ANTXR1: variants seen among roughly 807,000 people sequenced by gnomAD.
ANTXR1 encodes ANTXR cell adhesion molecule 1, also known as anthrax toxin receptor 1.
ANTXR1 carries 19 observed loss-of-function variants against 78.1 expected under a neutral mutation model. That is an observed-to-expected ratio of 0.24 (90% CI 0.17 to 0.36). ANTXR1 has a LOEUF of 0.36. Ranked by LOEUF, ANTXR1 falls within the 10% of genes least tolerant of loss-of-function variation. ANTXR1 has a pLI of 1.00. For synonymous variants in ANTXR1, 273 were observed against 260.5 expected (o/e 1.05, Z -0.46); for missense variants, 518 against 718.6 (o/e 0.72, Z 3.19).
At position 69,123,122 on chromosome 2, in the gene ANTXR1, G is replaced by C. The variant is rs547869262; in HGVS notation, c.872+36G>C. On this transcript the variant is annotated intron_variant, in intron 11 of 17. Transcript: ENST00000303714. Reference sequence around the variant, plus strand: ...ACCAGCAACTGAACCTCCCAGCCAGGGAAGAGAGAGAGGAGGTGTACGGGG... The same window carrying C: ...ACCAGCAACTGAACCTCCCAGCCAGCGAAGAGAGAGAGGAGGTGTACGGGG... 15 of 1,604,634 alleles carry C rather than the reference G, an allele frequency of 9.3e-6. No homozygotes were observed. The South Asian group carries it at 1.2e-4, about 13-fold the overall frequency.
At chr2:69,106,421 T>TCC (rs1427147109) in intron 10 of ANTXR1, among the ~76,000 whole-genome samples, 18 of 152,186 alleles carry the variant, frequency 1.2e-4, no homozygotes, top group African/African-American at 3.6e-4. Flanking sequence ...AATAAAAACC[T>TCC]AAGTAAGAAA....
chr2:69,082,870 A>G (rs1670939089), intron 8 of ANTXR1, among the ~76,000 whole-genome samples: 1 of 152,236 alleles, frequency 6.6e-6, no homozygotes, highest in African/African-American at 2.4e-5. Context: ...AGAGTGAGTC[A>G]GCACATAGAG....
chr2:69,061,898 T>C (rs1422145479), intron 3 of ANTXR1, among the ~76,000 whole-genome samples: 1 of 152,230 alleles, frequency 6.6e-6, no homozygotes, highest in Non-Finnish European at 1.5e-5. Context: ...CTGTTTATGA[T>C]ATTCAGAGAT....
At chr2:69,103,098 T>G in intron 10 of ANTXR1, 158 bp downstream of exon 10, 1 of 801,858 alleles carries the variant, frequency 1.2e-6, no homozygotes, top group Non-Finnish European at 2.1e-6. Context: ...GCCCTTACAG[T>G]GGTTCCAGTC....
intron 3 of ANTXR1, among the ~76,000 whole-genome samples, chr2:69,066,028 A>G (rs529102687): frequency 1.6e-4 from 25 of 152,366 alleles, no homozygotes; most frequent in African/African-American, 5.8e-4. Flanking sequence ...ATCCACAAAA[A>G]CAAATTCAGA....
At chr2:69,106,560 C>T (rs923529573) in intron 10 of ANTXR1, among the ~76,000 whole-genome samples, 8 of 152,190 alleles carry the variant, frequency 5.3e-5, no homozygotes, top group Non-Finnish European at 1.2e-4. Context: ...AAATCAGGCT[C>T]CAGCAGGATA....
chr2:69,180,703 G>C (rs910512788), intron 14 of ANTXR1, among the ~76,000 whole-genome samples: 5 of 152,198 alleles, frequency 3.3e-5, no homozygotes, highest in Admixed American at 6.5e-5. Context: ...GAATACAATT[G>C]TAAGCATGAC....
chr2:69,152,347 A>T (rs1441891246), intron 13 of ANTXR1, 83 bp downstream of exon 13: 24 of 1,391,356 alleles, frequency 1.7e-5, no homozygotes, highest in South Asian at 1.2e-5. Flanking sequence ...AGGGATTTTT[A>T]AAAAACTAAA....
At chr2:69,169,713 T>C (rs963323329) in intron 13 of ANTXR1, among the ~76,000 whole-genome samples, 4 of 152,260 alleles carry the variant, frequency 2.6e-5, no homozygotes, top group Admixed American at 2.0e-4. Flanking sequence ...TTGCTGCCTC[T>C]GTTGGGACTC....
rs1241426894 is a variant in ANTXR1 at position 69,102,921 on chromosome 2, C to G, written c.783C>G (p.Ile261Met). ...NVDRVLCSFK[I>M]NDSVTLNEKP... Reference sequence around the variant, plus strand: ...ACAGGGTCCTCTGCAGCTTCAAGATCAATGACTCGGTCACACTCAGTAAGT... The same window carrying G: ...ACAGGGTCCTCTGCAGCTTCAAGATGAATGACTCGGTCACACTCAGTAAGT... Residue 261 changes from isoleucine (I) to methionine (M), a missense_variant, in exon 10 of 18, where the codon ATC becomes ATG. By Grantham distance (10) the Ile-to-Met change is conservative. This residue lies in a region of ANTXR1 where 264 missense variants were observed against 391.8 expected (regional missense o/e 0.67). Coordinates refer to ENST00000303714, the MANE Select transcript of ANTXR1 (RefSeq NM_032208.3). 1.2e-6 allele frequency: 2 copies of G among 1,614,172 alleles called. No homozygotes were observed. Among genetic ancestry groups the G allele is most frequent in the Non-Finnish European group, 1.7e-6 (2 of 1,180,030 alleles).
chr2:69,187,437 C>T (rs747595460), intron 16 of ANTXR1, among the ~76,000 whole-genome samples: 9 of 151,756 alleles, frequency 5.9e-5, no homozygotes, highest in Non-Finnish European at 8.8e-5. Flanking sequence ...AAAAAAAAAG[C>T]GCAACAAAAT....
At chr2:69,200,182 A>C (rs141803709) in intron 17 of ANTXR1, among the ~76,000 whole-genome samples, 3 of 152,284 alleles carry the variant, frequency 2.0e-5, no homozygotes, top group African/African-American at 4.8e-5. Context: ...AGGCCGGTAC[A>C]TTCCATTACT....
intron 12 of ANTXR1, chr2:69,145,473 T>C (rs1172571073): frequency 7.2e-6 from 11 of 1,524,560 alleles, no homozygotes; most frequent in Middle Eastern, 3.6e-4. Flanking sequence ...ATTTACTGAA[T>C]GAGTGGAGGG....
intron 12 of ANTXR1, among the ~76,000 whole-genome samples, chr2:69,138,637 A>C (rs1672984229): frequency 6.6e-6 from 1 of 152,224 alleles, no homozygotes; most frequent in Non-Finnish European, 1.5e-5. Context: ...TCCTCGAAAG[A>C]AGAGTCAGCC....
At chr2:69,050,916 T>G (rs964587911) in intron 3 of ANTXR1, among the ~76,000 whole-genome samples, 3 of 152,186 alleles carry the variant, frequency 2.0e-5, no homozygotes, top group African/African-American at 7.2e-5. Flanking sequence ...ATTTTATGAT[T>G]CATTATTTTA....
In ANTXR1 at chr2:69,246,472, G is replaced by T. The variant is rs548215768; in HGVS notation, c.*987G>T. ...TCACACAATATCACTAGTTTTTTTT[G>T]TTTGTTTGTTTTTTGTTTTTTTTCT... On this transcript the variant is annotated 3_prime_UTR_variant, in exon 18 of 18. Coordinates refer to ENST00000303714, the MANE Select transcript of ANTXR1 (RefSeq NM_032208.3). 1.3e-4 allele frequency: 20 copies of T among 151,918 alleles called. No homozygotes were observed. Among genetic ancestry groups the T allele is most frequent in the African/African-American group, 3.9e-4 (16 of 41,342 alleles). 9.4% of individuals were successfully genotyped at this position (151,918 alleles called of 1,614,324 possible).
At chr2:69,227,714 T>C (rs1399568776) in intron 17 of ANTXR1, among the ~76,000 whole-genome samples, 1 of 152,172 alleles carries the variant, frequency 6.6e-6, no homozygotes, top group Non-Finnish European at 1.5e-5. Flanking sequence ...AAGAGTGTGG[T>C]TCTTGTCAGC....
chr2:69,101,220 G>C (rs1671606158), intron 9 of ANTXR1, among the ~76,000 whole-genome samples: 1 of 152,122 alleles, frequency 6.6e-6, no homozygotes, highest in Non-Finnish European at 1.5e-5. Context: ...TGCAAAATGA[G>C]CAAACCTGCC....
intron 10 of ANTXR1, among the ~76,000 whole-genome samples, chr2:69,106,098 G>A (rs960042400): frequency 6.6e-6 from 1 of 152,182 alleles, no homozygotes; most frequent in African/African-American, 2.4e-5. Flanking sequence ...TTAAATGACT[G>A]TGAACAACTT....
Sources: gnomAD v4.1 joint callset for allele counts (sites outside exome capture counted in the v4.1 genomes callset) on GRCh38, gnomAD v4.1.1 for gene constraint, gnomAD v4.1.1 regional missense constraint, MANE v1.5 for transcripts, NCBI Gene and HGNC (gene_info 2026-07-23, HGNC 2026-07-21) for gene names.